NKAIN2: variants seen among roughly 807,000 people sequenced by gnomAD.
NKAIN2 encodes the protein sodium/potassium-transporting ATPase subunit beta-1-interacting protein 2.
Under a neutral mutation model 32.6 loss-of-function variants are expected in NKAIN2, and 14 were observed. The ratio of observed to expected loss-of-function variants is 0.43; its 90% confidence interval spans 0.28 to 0.67. The LOEUF (loss-of-function observed/expected upper bound fraction) is 0.67, where lower values mean the gene tolerates loss of function less well. Ranked by LOEUF, NKAIN2 falls within the 30% of genes least tolerant of loss-of-function variation. The pLI is 0.17. For synonymous variants in NKAIN2, 80 were observed against 87.2 expected (o/e 0.92, Z 0.46); for missense variants, 198 against 258.3 (o/e 0.77, Z 1.60).
At chr6:124,759,051 T>C (rs1429876816) in intron 4 of NKAIN2, among the ~76,000 whole-genome samples, 1 of 152,196 alleles carries the variant, frequency 6.6e-6, no homozygotes, top group Non-Finnish European at 1.5e-5. Flanking sequence ...CTATTCATTT[T>C]TGCCACATGT....
chr6:124,591,354 G>A (rs1327664857), intron 3 of NKAIN2, among the ~76,000 whole-genome samples: 1 of 152,204 alleles, frequency 6.6e-6, no homozygotes, highest in Non-Finnish European at 1.5e-5. Context: ...GAGGAGTGGA[G>A]AAGAAAATTC....
chr6:124,243,484 G>A (rs1329161835), intron 1 of NKAIN2, among the ~76,000 whole-genome samples: 1 of 150,918 alleles, frequency 6.6e-6, no homozygotes, highest in Non-Finnish European at 1.5e-5. Context: ...GACAGAACAA[G>A]ACCCCGTCTC....
chr6:124,718,224 C>T (rs1047886394), intron 4 of NKAIN2, among the ~76,000 whole-genome samples: 4 of 152,108 alleles, frequency 2.6e-5, no homozygotes, highest in African/African-American at 9.7e-5. Context: ...TACCCATTCG[C>T]CATCTCTCCC....
At chr6:124,759,803 G>A (rs145814988) in intron 4 of NKAIN2, among the ~76,000 whole-genome samples, 12 of 152,014 alleles carry the variant, frequency 7.9e-5, no homozygotes, top group African/African-American at 2.7e-4. Flanking sequence ...AATGAGAGGT[G>A]TTGAAAGCAT....
rs536379906 is a variant in NKAIN2, at chr6:124,017,611, G to A, written c.54+213357G>A. On this transcript the variant is annotated intron_variant, in intron 1 of 6. Transcript: ENST00000368417. ...GGGAGAAATTGGCCAAAATGAAGGGGGTATAGGCCCCTGCAAGTCTGAAAT... is the reference window on the plus strand; with the variant it reads ...GGGAGAAATTGGCCAAAATGAAGGGAGTATAGGCCCCTGCAAGTCTGAAAT... Among the ~76,000 whole-genome samples, 6 of 152,136 alleles carry A rather than the reference G, an allele frequency of 3.9e-5. No homozygotes were observed. In the South Asian group the frequency reaches 6.2e-4, roughly 16 times the overall value.
At chr6:123,916,522 C>T (rs998032315) in intron 1 of NKAIN2, among the ~76,000 whole-genome samples, 1 of 152,226 alleles carries the variant, frequency 6.6e-6, no homozygotes, top group African/African-American at 2.4e-5. Flanking sequence ...CCTCGGCCTC[C>T]CAAGTGGTGG....
chr6:124,374,383 A>G (rs1799894957), intron 3 of NKAIN2, among the ~76,000 whole-genome samples: 2 of 152,088 alleles, frequency 1.3e-5, no homozygotes, highest in Non-Finnish European at 2.9e-5. Flanking sequence ...TCTAATAATG[A>G]TGACCCCGAT....
intron 3 of NKAIN2, among the ~76,000 whole-genome samples, chr6:124,465,764 G>A (rs1776728930): frequency 1.3e-5 from 2 of 152,064 alleles, no homozygotes; most frequent in East Asian, 1.9e-4. Context: ...AAACATCATG[G>A]CATTAAGAGA....
intron 2 of NKAIN2, among the ~76,000 whole-genome samples, chr6:124,323,178 C>T (rs1440778968): frequency 6.6e-6 from 1 of 152,052 alleles, no homozygotes; most frequent in African/African-American, 2.4e-5. Context: ...TATAAGTTAG[C>T]TGCCAGGTAT....
chr6:124,412,669 C>T (rs9482549), intron 3 of NKAIN2, among the ~76,000 whole-genome samples: 10,126 of 152,240 alleles, frequency 0.067, 1,007 homozygotes, highest in African/African-American at 0.21. Context: ...TCTCAAGCTG[C>T]GTGCTGGGAG....
intron 1 of NKAIN2, among the ~76,000 whole-genome samples, chr6:124,048,982 A>G (rs998549315): frequency 2.0e-5 from 3 of 152,056 alleles, no homozygotes; most frequent in African/African-American, 7.2e-5. Context: ...TCAGTTTGAA[A>G]ACATACTTTC....
intron 1 of NKAIN2, among the ~76,000 whole-genome samples, chr6:123,811,721 T>C (rs1308347693): frequency 6.6e-6 from 1 of 152,132 alleles, no homozygotes; most frequent in Non-Finnish European, 1.5e-5. Flanking sequence ...GAACAGTCCA[T>C]CTAGTGAGCC....
chr6:124,613,313 C>T (rs1782762956), intron 3 of NKAIN2, among the ~76,000 whole-genome samples: 1 of 152,120 alleles, frequency 6.6e-6, no homozygotes, highest in African/African-American at 2.4e-5. Context: ...TTCCTGCTCA[C>T]CAAGCTACCT....
chr6:124,707,766 A>C (rs1775178292), intron 4 of NKAIN2, among the ~76,000 whole-genome samples: 1 of 151,716 alleles, frequency 6.6e-6, no homozygotes, highest in Non-Finnish European at 1.5e-5. Flanking sequence ...AGTAGGTTGC[A>C]AAAATTTTCT....
intron 1 of NKAIN2, among the ~76,000 whole-genome samples, chr6:124,166,684 T>A (rs1007701233): frequency 9.2e-5 from 14 of 151,998 alleles, no homozygotes; most frequent in African/African-American, 3.4e-4. Flanking sequence ...CATCTTGAAT[T>A]AATTTTTGTA....
At chr6:124,548,087 C>T (rs1239016883) in intron 3 of NKAIN2, among the ~76,000 whole-genome samples, 1 of 152,080 alleles carries the variant, frequency 6.6e-6, no homozygotes, top group Non-Finnish European at 1.5e-5. Flanking sequence ...TATTTCTTTT[C>T]TCTTATGAAA....
chr6:124,052,947 AAAG>A (rs1167094706), intron 1 of NKAIN2, among the ~76,000 whole-genome samples: 26 of 152,148 alleles, frequency 1.7e-4, no homozygotes, highest in African/African-American at 6.0e-4. Context: ...GGCCAACTGA[AAAG>A]AGAGGGAGAG....
At chr6:124,372,416 C>A (rs1799808913) in intron 3 of NKAIN2, among the ~76,000 whole-genome samples, 1 of 151,974 alleles carries the variant, frequency 6.6e-6, no homozygotes, top group African/African-American at 2.4e-5. Context: ...TGAAGCTGTC[C>A]ACTCACTTGA....
chr6:124,815,352 A>T (rs1418329878), intron 5 of NKAIN2, among the ~76,000 whole-genome samples: 1 of 150,968 alleles, frequency 6.6e-6, no homozygotes, highest in African/African-American at 2.4e-5. Flanking sequence ...CTGCTCATTG[A>T]AACTTCTGCC....
Sources: allele counts gnomAD v4.1 joint callset (sites outside exome capture counted in the v4.1 genomes callset), GRCh38; gene constraint gnomAD v4.1.1; transcripts MANE v1.5; gene names NCBI Gene and HGNC (gene_info 2026-07-23, HGNC 2026-07-21).